Variants in RBM26 observed in about 807,000 individuals in gnomAD.
The protein encoded by RBM26 is RNA-binding protein 26.
A neutral mutation model predicts 123.6 loss-of-function variants in RBM26; 30 were observed. The observed-to-expected ratio is 0.24, with a 90% CI of 0.18 to 0.33. RBM26 has a LOEUF of 0.33. Among genes scored for constraint, RBM26 ranks in the 10% least tolerant of loss-of-function variants. The probability of loss-of-function intolerance (pLI) is 1.00; values close to 1 mark genes in which losing one functional copy is unlikely to be tolerated. For missense variants in RBM26, 947 were observed against 1,203.6 expected (o/e 0.79, Z 3.15); for synonymous variants, 400 against 404.4 (o/e 0.99, Z 0.13).
intron 6 of RBM26, among the ~76,000 whole-genome samples, chr13:79,367,622 C>T (rs2075443896): frequency 6.6e-6 from 1 of 151,780 alleles, no homozygotes; most frequent in Non-Finnish European, 1.5e-5. Context: ...TCCCCCACCA[C>T]CAACCCCACT....
downstream of RBM26, chr13:79,314,969 T>C (rs959964478): frequency 7.7e-7 from 1 of 1,301,470 alleles, no homozygotes; most frequent in Non-Finnish European, 1.0e-6. Flanking sequence ...CAAAGCTAAA[T>C]TCAGGCAATG....
At position 79,319,154 on chromosome 13, in the gene RBM26, GA is replaced by G; in HGVS notation, c.*1466del. On this transcript the variant is annotated 3_prime_UTR_variant, in exon 22 of 22. Transcript: ENST00000438737. ...CCAATTAGGGGTGTATGGGGAAGAA[GA>G]AAAAGAACAGCATCCTTAAGTTACT... The G allele has an allele frequency of 1.0e-6, 1 of 984,582 alleles. No individual in the cohort carries two copies. The highest frequency in any genetic ancestry group is 1.2e-6 in the Non-Finnish European group (1 of 829,396). The allele number at this position is 984,582 out of a possible 1,614,324, so 61.0% of individuals were successfully genotyped here.
chr13:79,373,875 C>T (rs1296241586), intron 3 of RBM26, among the ~76,000 whole-genome samples: 1 of 150,202 alleles, frequency 6.7e-6, no homozygotes, highest in Non-Finnish European at 1.5e-5. Flanking sequence ...AGAAAGCAAC[C>T]TTGGAAAATA....
chr13:79,360,995 C>T (rs1200448268), intron 9 of RBM26, among the ~76,000 whole-genome samples: 1 of 152,078 alleles, frequency 6.6e-6, no homozygotes, highest in East Asian at 1.9e-4. Context: ...TGTTTCAGCA[C>T]AATATCTCTC....
Position 79,371,800 on chromosome 13 carries a change from A to C in RBM26, c.416+42T>G. On this transcript the variant is annotated intron_variant, in intron 4 of 21. Coordinates refer to ENST00000438737, the MANE Select transcript of RBM26 (RefSeq NM_001366735.2). ...AGTCTAAACATTTGTATAAAAGATA[A>C]CTTACATCGAAACACTGAGTATGGT... 3 of 1,319,074 alleles carry C rather than the reference A, an allele frequency of 2.3e-6. No individual in the cohort carries two copies. In the South Asian group the frequency reaches 3.6e-5, roughly 16 times the overall value. The allele number at this position is 1,319,074 out of a possible 1,614,324, so 81.7% of individuals were successfully genotyped here.
At chr13:79,327,508 T>C (rs1025893551) in intron 20 of RBM26, among the ~76,000 whole-genome samples, 10 of 151,774 alleles carry the variant, frequency 6.6e-5, no homozygotes, top group Non-Finnish European at 1.2e-4. Flanking sequence ...AGTATAAGTG[T>C]AGAAATGTGA....
chr13:79,344,671 G>T lies in RBM26; in HGVS notation c.2182C>A (p.Gln728Lys), dbSNP rs866170985. 1 of 1,554,836 alleles carries T rather than the reference G, an allele frequency of 6.4e-7. No individual in the cohort carries two copies. The highest frequency in any genetic ancestry group is 8.8e-7 in the Non-Finnish European group (1 of 1,136,780). Residue 728 changes from glutamine (Q) to lysine (K), a missense_variant and splice_region_variant, in exon 15 of 22, where the codon CAG becomes AAG. Physicochemically the swap from Gln to Lys is moderately conservative, Grantham distance 53. Coordinates refer to ENST00000438737, the MANE Select transcript of RBM26 (RefSeq NM_001366735.2). The part of the protein sequence containing the change: ...VDNNEAQKKK[Q>K]EALKLQQDVR... ...TATACTATACCAGTTGTACTTACCT[G>T]TTTTTTTTTCTGTGCTTCATTATTA...
At chr13:79,338,292 G>T (rs181165109) in intron 18 of RBM26, among the ~76,000 whole-genome samples, 4 of 152,224 alleles carry the variant, frequency 2.6e-5, no homozygotes, top group Admixed American at 2.0e-4. Flanking sequence ...TTTAAGATTC[G>T]AAAAGAACTT....
chr13:79,364,185 G>A (rs1233942447), intron 9 of RBM26, among the ~76,000 whole-genome samples: 1 of 152,070 alleles, frequency 6.6e-6, no homozygotes, highest in African/African-American at 2.4e-5. Flanking sequence ...GAATTTAAGA[G>A]GAATGGGTAT....
chr13:79,384,260 T>C (rs1356649581), intron 1 of RBM26, among the ~76,000 whole-genome samples: 2 of 117,510 alleles, frequency 1.7e-5, no homozygotes, highest in East Asian at 4.9e-4. Context: ...TTTTTTTTTT[T>C]CTTTTCATTT....
intron 9 of RBM26, 87 bp from the exon 10 acceptor site, chr13:79,359,773 T>G (rs2074446599): frequency 2.2e-6 from 1 of 457,510 alleles, no homozygotes; most frequent in South Asian, 5.3e-5. Context: ...ACAGGAAAAT[T>G]TCTGGCTTTT....
rs911193110 is a variant in RBM26, at chr13:79,400,486, C to G, written c.71+5218G>C. Among the ~76,000 whole-genome samples the G allele has an allele frequency of 2.0e-5, 3 of 152,172 alleles. No individual in the cohort carries two copies. In the South Asian group the frequency reaches 6.2e-4, roughly 31 times the overall value. On this transcript the variant is annotated intron_variant, in intron 1 of 21. Transcript: ENST00000438737. The stretch of plus-strand genomic sequence containing the variant: ...ATCCAATCAACAAAGGCAGAGCCCT[C>G]GTGACCTAATCACCTCTTAATACTT...
chr13:79,399,992 C>T (rs781610706), intron 1 of RBM26, among the ~76,000 whole-genome samples: 38 of 152,100 alleles, frequency 2.5e-4, no homozygotes, highest in Non-Finnish European at 1.3e-4. Context: ...TAAGTCTAAA[C>T]ATACTTATGT....
chr13:79,358,143 A>G (rs560552186), intron 11 of RBM26, 131 bp downstream of exon 11: 174 of 763,828 alleles, frequency 2.3e-4, no homozygotes, highest in Non-Finnish European at 3.0e-4. Flanking sequence ...TTGGCCTCCC[A>G]AAGTGCTGGG....
rs572293077 is a variant in RBM26 at position 79,372,301 on chromosome 13, A to C, written c.328-371T>G. On this transcript the variant is annotated intron_variant, in intron 3 of 21. Transcript: ENST00000438737. ...GCCTCAAAACAAACAAACAAACAAA[A>C]AAAAGCCTTAGACACATTACTGCTT... Among the ~76,000 whole-genome samples, 20 of 152,276 alleles carry C rather than the reference A, an allele frequency of 1.3e-4. No homozygotes were observed. The East Asian group carries it at 2.1e-3, about 16-fold the overall frequency.
intron 11 of RBM26, 84 bp from the exon 12 acceptor site, chr13:79,355,468 T>C: frequency 2.0e-6 from 2 of 1,005,748 alleles, no homozygotes; most frequent in Non-Finnish European, 3.0e-6. Flanking sequence ...AGTGAAATAC[T>C]GGTCCTTCCA....
At chr13:79,351,462 A>G (rs2073205891) in intron 14 of RBM26, among the ~76,000 whole-genome samples, 1 of 152,072 alleles carries the variant, frequency 6.6e-6, no homozygotes, top group South Asian at 2.1e-4. Flanking sequence ...AGTATTTGAT[A>G]CTGCTAAATT....
chr13:79,330,638 T>C (rs955903364), intron 20 of RBM26, among the ~76,000 whole-genome samples: 4 of 152,080 alleles, frequency 2.6e-5, no homozygotes, highest in African/African-American at 9.7e-5. Context: ...AACTAATATA[T>C]AAAAGAAGGC....
chr13:79,368,028 TA>T (rs2075502159), intron 6 of RBM26, among the ~76,000 whole-genome samples: 2 of 3,900 alleles, frequency 5.1e-4, no homozygotes, highest in African/African-American at 5.7e-4. Flanking sequence ...TTTATTTTTT[TA>T]TTTTTATTTT....
Sources: allele counts gnomAD v4.1 joint callset (sites outside exome capture counted in the v4.1 genomes callset), GRCh38; gene constraint gnomAD v4.1.1; transcripts MANE v1.5; gene names NCBI Gene and HGNC (gene_info 2026-07-23, HGNC 2026-07-21).